ERMAP: variants seen among roughly 807,000 people sequenced by gnomAD.
ERMAP encodes erythroblast membrane associated protein (Scianna blood group), also known as erythroid membrane-associated protein.
Under a neutral mutation model 49.5 loss-of-function variants are expected in ERMAP, and 34 were observed. The observed-to-expected ratio is 0.69, with a 90% CI of 0.52 to 0.91. The LOEUF is 0.91. Among genes scored for constraint, ERMAP ranks in the 40% least tolerant of loss-of-function variants. The pLI, the probability that ERMAP is intolerant of heterozygous loss-of-function variation, is 0.00. For missense variants in ERMAP, 541 were observed against 582.6 expected (o/e 0.93, Z 0.74); for synonymous variants, 214 against 232.2 (o/e 0.92, Z 0.71).
At chr1:42,831,303 T>C (rs1225069160) in intron 4 of ERMAP, among the ~76,000 whole-genome samples, 188 bp downstream of exon 4, 1 of 152,194 alleles carries the variant, frequency 6.6e-6, no homozygotes, top group Admixed American at 6.5e-5. Flanking sequence ...GGCCTAGGCA[T>C]TTCTGATAAG....
intron 7 of ERMAP, among the ~76,000 whole-genome samples, chr1:42,837,482 A>G (rs1013695617): frequency 6.6e-6 from 1 of 152,160 alleles, no homozygotes; most frequent in Non-Finnish European, 1.5e-5. Flanking sequence ...ATATTATTGA[A>G]AAGTATATTA....
At chr1:42,829,109 G>A (rs1235021085) in intron 2 of ERMAP, among the ~76,000 whole-genome samples, 1 of 152,138 alleles carries the variant, frequency 6.6e-6, no homozygotes, top group East Asian at 1.9e-4. Context: ...GAAAGTGGGT[G>A]GGACAGTCAC....
In ERMAP at chr1:42,843,244, A is replaced by G; in HGVS notation, c.*12A>G. ...CTCCTTCTTTTTAGGGATATGCCAC[A>G]TTACCTGCTCCCATCACCATCCAGC... On this transcript the variant is annotated 3_prime_UTR_variant, in exon 12 of 12. Transcript: ENST00000372517. 1 of 1,548,616 alleles carries G rather than the reference A, an allele frequency of 6.5e-7. No homozygotes were observed. Among genetic ancestry groups the G allele is most frequent in the Non-Finnish European group, 8.7e-7 (1 of 1,148,198 alleles).
At chr1:42,833,056 C>T (rs1196437156) in intron 4 of ERMAP, among the ~76,000 whole-genome samples, 1 of 152,224 alleles carries the variant, frequency 6.6e-6, no homozygotes, top group Non-Finnish European at 1.5e-5. Context: ...GAGTCAGGGA[C>T]AGCACACTGG....
intron 1 of ERMAP, among the ~76,000 whole-genome samples, chr1:42,823,197 A>G (rs1654446869): frequency 6.6e-6 from 1 of 152,216 alleles, no homozygotes; most frequent in Non-Finnish European, 1.5e-5. Context: ...AACCATAGCA[A>G]TGACCTTTTT....
chr1:42,840,303 T>C lies in ERMAP; in HGVS notation c.712+7T>C. On this transcript the variant is annotated splice_region_variant and intron_variant, in intron 11 of 11. Transcript: ENST00000372517. ...AGAGCCCGGTTGCATTTTGGTAAGT[T>C]ATACCAATCAAATAGGTCCATATCT... The C allele has an allele frequency of 6.2e-7, 1 of 1,614,176 alleles. No homozygotes were observed. Among genetic ancestry groups the C allele is most frequent in the South Asian group, 1.1e-5 (1 of 91,084 alleles).
chr1:42,818,538 G>A (rs367733099), intron 1 of ERMAP, among the ~76,000 whole-genome samples: 5 of 152,316 alleles, frequency 3.3e-5, no homozygotes, highest in South Asian at 2.1e-4. Context: ...GTGCAGTGGT[G>A]TGATCATAAC....
intron 6 of ERMAP, chr1:42,836,903 TAA>T (rs35894122): frequency 1.4e-3 from 382 of 265,090 alleles, no homozygotes; most frequent in Non-Finnish European, 1.9e-3. Context: ...GTGGCAGATT[TAA>T]AAAAAAAAAA....
At chr1:42,830,145 C>T (rs1654673122) in intron 2 of ERMAP, 2 of 389,284 alleles carry the variant, frequency 5.1e-6, no homozygotes, top group African/African-American at 4.1e-5. Context: ...CATCCTCACT[C>T]ACGGCATTTA....
At chr1:42,818,664 T>C (rs997216111) in intron 1 of ERMAP, among the ~76,000 whole-genome samples, 1 of 151,888 alleles carries the variant, frequency 6.6e-6, no homozygotes, top group Non-Finnish European at 1.5e-5. Context: ...AGAGATGGAG[T>C]CTCACTGTGT....
rs776391707 is a variant in ERMAP, at chr1:42,817,241, C to T, written c.-134C>T. 8.0e-7 allele frequency: 1 copy of T among 1,254,590 alleles called. No homozygotes were observed. Among genetic ancestry groups the T allele is most frequent in the South Asian group, 1.3e-5 (1 of 77,150 alleles). The allele number at this position is 1,254,590 out of a possible 1,614,324, so 77.7% of individuals were successfully genotyped here. ...GGAGCCTCCGCCGAGTCGCAGACAA[C>T]GCCTCCGGGAGGGTAATCCTCGCCT... On this transcript the variant is annotated 5_prime_UTR_variant, in exon 1 of 12. In the 5' UTR this introduces an upstream ATG that the reference lacks. Transcript: ENST00000372517.
In ERMAP at chr1:42,838,883, T is replaced by C. The variant is rs1174782399; in HGVS notation, c.617-18T>C. On this transcript the variant is annotated intron_variant, in intron 7 of 11. Coordinates refer to ENST00000372517, the MANE Select transcript of ERMAP (RefSeq NM_001017922.2). The stretch of plus-strand genomic sequence containing the variant: ...CAGGATCTGATCACTCACTCTTCTC[T>C]CTCTTTCTGGTTTTTAGGAAAACTC... 1 of 1,614,140 alleles carries C rather than the reference T, an allele frequency of 6.2e-7. No homozygotes were observed. Among genetic ancestry groups the C allele is most frequent in the East Asian group, 2.2e-5 (1 of 44,884 alleles).
At chr1:42,824,999 T>C (rs1285193868) in intron 1 of ERMAP, among the ~76,000 whole-genome samples, 1 of 152,180 alleles carries the variant, frequency 6.6e-6, no homozygotes, top group Non-Finnish European at 1.5e-5. Flanking sequence ...TCTGCTAGAC[T>C]CAGAAGCTAA....
At chr1:42,822,764 C>T (rs1440932266) in intron 1 of ERMAP, among the ~76,000 whole-genome samples, 9 of 152,168 alleles carry the variant, frequency 5.9e-5, no homozygotes, top group African/African-American at 2.2e-4. Context: ...CTCTCCCTAT[C>T]CTCCCCTTCC....
In ERMAP at chr1:42,825,645, C is replaced by T. The variant is rs1432124448; in HGVS notation, c.-99C>T. 7.8e-7 allele frequency: 1 copy of T among 1,289,182 alleles called. No homozygotes were observed. 79.9% of individuals were successfully genotyped at this position (1,289,182 alleles called of 1,614,324 possible). On this transcript the variant is annotated 5_prime_UTR_variant, in exon 2 of 12. Coordinates refer to ENST00000372517, the MANE Select transcript of ERMAP (RefSeq NM_001017922.2). ...TAGGCCTTCCTGATGCGCTTGCCTG[C>T]TCCCTGGTCTCTCTGCATGGGGAAG...
At position 42,819,295 on chromosome 1, in the gene ERMAP, T is replaced by A. The variant is rs1654345698; in HGVS notation, c.-122+2042T>A. Among the ~76,000 whole-genome samples, 1 of 151,698 alleles carries A rather than the reference T, an allele frequency of 6.6e-6. No homozygotes were observed. ...GCAAGAAGAATTGTCCAGTGAGCAA[T>A]TAGAAGATTTCAGAAAAGAACGGAA... is the stretch of plus-strand genomic sequence containing the variant. On this transcript the variant is annotated intron_variant, in intron 1 of 11. Transcript: ENST00000372517. This position sits in a 1 kb window ranked among gnomAD's most constrained non-coding sequence, Gnocchi z 5.1.
chr1:42,824,572 G>A (rs989610987), intron 1 of ERMAP: 9 of 152,320 alleles, frequency 5.9e-5, no homozygotes, highest in Admixed American at 5.9e-4. Flanking sequence ...TGTGAGACAA[G>A]TACTTCAGTT....
At chr1:42,837,269 TTA>T in intron 7 of ERMAP, 79 bp downstream of exon 7, 1 of 1,455,426 alleles carries the variant, frequency 6.9e-7, no homozygotes, top group Non-Finnish European at 9.6e-7. Context: ...ACAGTCATTA[TTA>T]TAAGTCTATT....
Position 42,830,364 on chromosome 1 carries a change from C to T in ERMAP, c.-5-80C>T, listed in dbSNP as rs916708577. The T allele has an allele frequency of 3.8e-5, 48 of 1,262,776 alleles. 1 individual carries two copies. The highest frequency in any genetic ancestry group is 4.8e-5 in the South Asian group (4 of 82,838). 78.2% of individuals were successfully genotyped at this position (1,262,776 alleles called of 1,614,324 possible). A position where few individuals can be genotyped will look rare whatever the true frequency, so the allele number is the denominator to read the frequency against. On this transcript the variant is annotated intron_variant, in intron 2 of 11. Coordinates refer to ENST00000372517, the MANE Select transcript of ERMAP (RefSeq NM_001017922.2). Reference sequence around the variant, plus strand: ...TCCCAGAGCACCAGCAATACCGTCTCGGCCTCGGCTCCTGGGTTATACCCT... The same window carrying T: ...TCCCAGAGCACCAGCAATACCGTCTTGGCCTCGGCTCCTGGGTTATACCCT...
Sources: allele counts gnomAD v4.1 joint callset (sites outside exome capture counted in the v4.1 genomes callset), GRCh38; gene constraint gnomAD v4.1.1; non-coding constraint Gnocchi (gnomAD v3.1); transcripts MANE v1.5; gene names NCBI Gene and HGNC (gene_info 2026-07-23, HGNC 2026-07-21).